Variants in PPP2CA observed in about 807,000 individuals in gnomAD.
PPP2CA encodes the protein protein phosphatase 2 catalytic subunit alpha, also known as serine/threonine-protein phosphatase 2A catalytic subunit alpha isoform.
PPP2CA carries 5 observed loss-of-function variants against 38.8 expected under a neutral mutation model. The ratio of observed to expected loss-of-function variants is 0.13; its 90% CI spans 0.07 to 0.27. The LOEUF (loss-of-function observed/expected upper bound fraction) is 0.27. PPP2CA is among the 10% of genes least tolerant of loss of function. PPP2CA has a pLI of 1.00. For synonymous variants in PPP2CA, 152 were observed against 134.0 expected (o/e 1.13, Z -0.93); for missense variants, 88 against 389.7 (o/e 0.23, Z 6.52).
chr5:134,213,106 G>A (rs146186756), intron 1 of PPP2CA, among the ~76,000 whole-genome samples: 68 of 152,320 alleles, frequency 4.5e-4, no homozygotes, highest in Middle Eastern at 3.4e-3. Flanking sequence ...CAATGTAGAC[G>A]AAATAGCCTT....
intron 1 of PPP2CA, among the ~76,000 whole-genome samples, chr5:134,223,194 T>C (rs11739041): frequency 0.014 from 2,123 of 152,268 alleles, 22 homozygotes; most frequent in Non-Finnish European, 0.023. Flanking sequence ...ACTATTATTA[T>C]ACACTAATGA....
intron 1 of PPP2CA, among the ~76,000 whole-genome samples, chr5:134,212,425 C>T (rs1327145286): frequency 2.0e-5 from 3 of 152,112 alleles, no homozygotes; most frequent in Non-Finnish European, 2.9e-5. Flanking sequence ...ACCAACCGTG[C>T]CCATAAGACA....
chr5:134,202,052 C>T, intron 2 of PPP2CA, 31 bp from the exon 3 acceptor site: 3 of 1,538,348 alleles, frequency 2.0e-6, no homozygotes, highest in Non-Finnish European at 2.6e-6. Flanking sequence ...ACATAAACAA[C>T]TAGCTCTTTC....
intron 1 of PPP2CA, among the ~76,000 whole-genome samples, chr5:134,215,549 T>C (rs1174055051): frequency 6.6e-6 from 1 of 151,910 alleles, no homozygotes; most frequent in Non-Finnish European, 1.5e-5. Flanking sequence ...CACTCCAGCC[T>C]GGGTGACAGA....
chr5:134,204,090 C>T (rs183839859), intron 2 of PPP2CA, among the ~76,000 whole-genome samples: 50 of 152,304 alleles, frequency 3.3e-4, no homozygotes, highest in Admixed American at 2.9e-3. Flanking sequence ...ATAACGATCT[C>T]CAAAAATATT....
At chr5:134,211,060 A>G (rs1313946491) in intron 1 of PPP2CA, among the ~76,000 whole-genome samples, 1 of 152,190 alleles carries the variant, frequency 6.6e-6, no homozygotes, top group Admixed American at 6.5e-5. Flanking sequence ...TTGCAGATTA[A>G]CTTGAAGAAA....
intron 1 of PPP2CA, among the ~76,000 whole-genome samples, chr5:134,222,014 C>T (rs1291252756): frequency 6.6e-6 from 1 of 151,306 alleles, no homozygotes; most frequent in Non-Finnish European, 1.5e-5. Flanking sequence ...GTGTTGACTT[C>T]CCAATTTAGC....
chr5:134,220,456 C>CAAAAAAAAAAAA lies in PPP2CA; in HGVS notation c.102+5292_102+5303dup, dbSNP rs10649430. 2.6e-4 allele frequency among the ~76,000 whole-genome samples: 14 copies of CAAAAAAAAAAAA among 54,046 alleles called. 1 individual carries two copies. Among genetic ancestry groups the CAAAAAAAAAAAA allele is most frequent in the African/African-American group, 7.5e-4 (11 of 14,678 alleles). 35.5% of individuals were successfully genotyped at this position (54,046 alleles called of 152,430 possible). A position where few individuals can be genotyped will look rare whatever the true frequency, so the allele number is the denominator to read the frequency against. On this transcript the variant is annotated intron_variant, in intron 1 of 6. Coordinates refer to ENST00000481195, the MANE Select transcript of PPP2CA (RefSeq NM_002715.4). The stretch of plus-strand genomic sequence containing the variant: ...CCTGGGCGACTGTGAGACTCTATCT[C>CAAAAAAAAAAAA]AAAAAAAAAAAAAAAAAAAAAAGCC...
intron 1 of PPP2CA, among the ~76,000 whole-genome samples, chr5:134,210,546 A>C (rs1339385814): frequency 2.6e-5 from 4 of 152,190 alleles, no homozygotes; most frequent in Non-Finnish European, 5.9e-5. Context: ...TAAAGTTTTT[A>C]AAAGAATGTA....
chr5:134,201,482 A>G (rs1326905357), intron 3 of PPP2CA, among the ~76,000 whole-genome samples: 1 of 152,220 alleles, frequency 6.6e-6, no homozygotes, highest in Non-Finnish European at 1.5e-5. Flanking sequence ...TTTGCCAGAG[A>G]CTAGTATCTT....
At chr5:134,212,459 T>G (rs928028102) in intron 1 of PPP2CA, among the ~76,000 whole-genome samples, 44 of 152,190 alleles carry the variant, frequency 2.9e-4, no homozygotes, top group Admixed American at 2.0e-3. Context: ...ATGTCGTATA[T>G]ATTCTTACTG....
At position 134,205,928 on chromosome 5, in the gene PPP2CA, A is replaced by G. The variant is rs770454753; in HGVS notation, c.306T>C (p.Ala102=). The change falls in exon 2 of 7, where the codon GCT becomes GCC. Residue 102 remains alanine (A), a synonymous_variant. Transcript: ENST00000481195. ...YSVETVTLLV[A]LKVRYRERIT... ...AACATAAAATTGAAATTACCTTAAG[A>G]GCTACAAGCAGTGTAACTGTTTCAA... The G allele has an allele frequency of 1.2e-6, 2 of 1,612,800 alleles. No homozygotes were observed. Among genetic ancestry groups the G allele is most frequent in the South Asian group, 1.1e-5 (1 of 91,038 alleles).
intron 1 of PPP2CA, among the ~76,000 whole-genome samples, chr5:134,213,813 T>C (rs1762260203): frequency 6.6e-6 from 1 of 152,102 alleles, no homozygotes; most frequent in Non-Finnish European, 1.5e-5. Context: ...ATTACAACCA[T>C]GTCACAATTC....
intron 1 of PPP2CA, among the ~76,000 whole-genome samples, chr5:134,216,607 T>A (rs1175160239): frequency 2.0e-5 from 3 of 149,880 alleles, no homozygotes; most frequent in Non-Finnish European, 4.4e-5. Flanking sequence ...CCCCAAGGTC[T>A]ATACTGAGGA....
chr5:134,204,861 C>T (rs548455485), intron 2 of PPP2CA, among the ~76,000 whole-genome samples: 1 of 152,022 alleles, frequency 6.6e-6, no homozygotes, highest in East Asian at 1.9e-4. Flanking sequence ...ATAATATTCT[C>T]TGTTAAATAT....
At chr5:134,198,677 T>G (rs1426999020) in intron 6 of PPP2CA, among the ~76,000 whole-genome samples, 1 of 152,128 alleles carries the variant, frequency 6.6e-6, no homozygotes, top group Non-Finnish European at 1.5e-5. Flanking sequence ...GCCATTCTCC[T>G]GCCTCAGCCT....
chr5:134,205,388 C>CTT (rs5871528), intron 2 of PPP2CA, among the ~76,000 whole-genome samples: 1 of 138,248 alleles, frequency 7.2e-6, no homozygotes, highest in East Asian at 2.0e-4. Context: ...TTTTCTTTTC[C>CTT]TTTTTTTTTT....
chr5:134,217,986 T>C (rs1384038994), intron 1 of PPP2CA, among the ~76,000 whole-genome samples: 1 of 152,162 alleles, frequency 6.6e-6, no homozygotes, highest in Non-Finnish European at 1.5e-5. Flanking sequence ...ACATAAACAA[T>C]ATAAAGTGTT....
At chr5:134,224,955 T>G (rs23125) in intron 1 of PPP2CA, among the ~76,000 whole-genome samples, 112,022 of 152,164 alleles carry the variant, frequency 0.74, 41,744 homozygotes, top group Non-Finnish European at 0.82. Flanking sequence ...CATTTTATGT[T>G]GTTCATTTTA....
Sources: allele counts gnomAD v4.1 joint callset (sites outside exome capture counted in the v4.1 genomes callset), GRCh38; gene constraint gnomAD v4.1.1; transcripts MANE v1.5; gene names NCBI Gene and HGNC (gene_info 2026-07-23, HGNC 2026-07-21).